The following PPP2R2B variants were observed in gnomAD, a reference collection of about 807,000 sequenced individuals.
The protein encoded by PPP2R2B is protein phosphatase 2 regulatory subunit Bbeta.
In PPP2R2B, 5 loss-of-function variants were observed where a neutral mutation model predicts 46.0. That is an observed-to-expected ratio of 0.11 (90% CI 0.06 to 0.23). The LOEUF (loss-of-function observed/expected upper bound fraction) is 0.23. PPP2R2B is among the 10% of genes least tolerant of loss of function. The pLI, the probability that PPP2R2B is intolerant of heterozygous loss-of-function variation, is 1.00. For missense variants in PPP2R2B, 367 were observed against 575.0 expected (o/e 0.64, Z 3.70); for synonymous variants, 215 against 206.7 (o/e 1.04, Z -0.34).
intron 1 of PPP2R2B, among the ~76,000 whole-genome samples, chr5:146,885,245 A>G (rs1404941894): frequency 1.3e-5 from 2 of 152,204 alleles, no homozygotes; most frequent in African/African-American, 2.4e-5. Context: ...AAATAATATA[A>G]CCAAAGTCAG....
chr5:146,866,142 A>G (rs1413395876), intron 2 of PPP2R2B, among the ~76,000 whole-genome samples: 2 of 152,188 alleles, frequency 1.3e-5, no homozygotes, highest in African/African-American at 4.8e-5. Flanking sequence ...TAAAATACTT[A>G]TCATCTGACC....
chr5:146,764,398 G>T (rs933893458), intron 2 of PPP2R2B, among the ~76,000 whole-genome samples: 27 of 152,252 alleles, frequency 1.8e-4, no homozygotes, highest in Admixed American at 1.8e-3. Flanking sequence ...AGTATTTAGG[G>T]CGCTATTTCT....
intron 7 of PPP2R2B, among the ~76,000 whole-genome samples, chr5:146,608,138 A>T (rs1006986504): frequency 3.3e-5 from 5 of 152,178 alleles, no homozygotes; most frequent in Non-Finnish European, 7.4e-5. Context: ...TTTGAGGGGT[A>T]GGAGGGGGCA....
intron 2 of PPP2R2B, among the ~76,000 whole-genome samples, chr5:146,728,747 G>T (rs1401085301): frequency 6.6e-6 from 1 of 152,096 alleles, no homozygotes; most frequent in African/African-American, 2.4e-5. Context: ...GGTTTATCAG[G>T]GGTTTCCACT....
intron 5 of PPP2R2B, among the ~76,000 whole-genome samples, chr5:146,678,630 A>T (rs1439517376): frequency 6.9e-6 from 1 of 145,448 alleles, no homozygotes; most frequent in Non-Finnish European, 1.5e-5. Flanking sequence ...ACATGATTGT[A>T]TATCTAGAAA....
At chr5:146,603,269 T>C (rs762546602) in intron 7 of PPP2R2B, among the ~76,000 whole-genome samples, 2 of 152,222 alleles carry the variant, frequency 1.3e-5, no homozygotes, top group Non-Finnish European at 2.9e-5. Flanking sequence ...GTACAGAACC[T>C]GCGGACTATT....
chr5:146,820,510 C>T (rs1454818159), intron 2 of PPP2R2B, among the ~76,000 whole-genome samples: 3 of 152,110 alleles, frequency 2.0e-5, no homozygotes, highest in Non-Finnish European at 4.4e-5. Flanking sequence ...CTCCTGTGTT[C>T]AGTGGAATTT....
At chr5:146,649,629 T>C (rs928994493) in intron 6 of PPP2R2B, among the ~76,000 whole-genome samples, 2 of 152,024 alleles carry the variant, frequency 1.3e-5, no homozygotes, top group Non-Finnish European at 2.9e-5. Flanking sequence ...TTTGTATTTT[T>C]AGTAAAGTTG....
chr5:146,968,230 T>A (rs1046863660), intron 1 of PPP2R2B, among the ~76,000 whole-genome samples: 1 of 152,180 alleles, frequency 6.6e-6, no homozygotes, highest in African/African-American at 2.4e-5. Context: ...TTTTTGAACC[T>A]TTCCTCCAAA....
intron 1 of PPP2R2B, among the ~76,000 whole-genome samples, chr5:146,990,360 A>G (rs905869558): frequency 2.6e-5 from 4 of 152,098 alleles, no homozygotes; most frequent in African/African-American, 7.2e-5. Flanking sequence ...CCAAAACAGC[A>G]TGGTACTTAT....
intron 1 of PPP2R2B, among the ~76,000 whole-genome samples, chr5:147,008,005 T>C (rs1355570742): frequency 6.6e-6 from 1 of 152,220 alleles, no homozygotes; most frequent in East Asian, 1.9e-4. Context: ...AATCTTAAAC[T>C]AAACTCTTTA....
chr5:146,706,609 G>T, intron 2 of PPP2R2B: 2 of 815,294 alleles, frequency 2.5e-6, no homozygotes, highest in Non-Finnish European at 4.2e-6. Flanking sequence ...TCCCTGCGCT[G>T]CTCCGCATCT....
intron 1 of PPP2R2B, among the ~76,000 whole-genome samples, chr5:147,004,819 G>T (rs1171013091): frequency 6.6e-6 from 1 of 152,046 alleles, no homozygotes; most frequent in Non-Finnish European, 1.5e-5. Flanking sequence ...TAGCTCTTGT[G>T]GTCCTTACTC....
Position 146,609,265 on chromosome 5 carries a change from T to G in PPP2R2B, c.791-8805A>C, listed in dbSNP as rs139857852. Among the ~76,000 whole-genome samples the G allele has an allele frequency of 2.6e-5, 4 of 152,294 alleles. No homozygotes were observed. The East Asian group carries it at 5.8e-4, about 22-fold the overall frequency. On this transcript the variant is annotated intron_variant, in intron 7 of 9. Transcript: ENST00000394411. The stretch of plus-strand genomic sequence containing the variant: ...GTATCACGCTGAATGGGGAAAAAAC[T>G]GAAAGCCTTTCCTTTAAGATTTGGA...
intron 6 of PPP2R2B, among the ~76,000 whole-genome samples, chr5:146,639,244 G>A (rs1775035451): frequency 6.6e-6 from 1 of 152,170 alleles, no homozygotes; most frequent in Non-Finnish European, 1.5e-5. Flanking sequence ...CAGCTTGTGA[G>A]GGAGTTTTTA....
At chr5:146,618,563 A>G (rs382817) in intron 7 of PPP2R2B, among the ~76,000 whole-genome samples, 32,621 of 152,164 alleles carry the variant, frequency 0.21, 5,098 homozygotes, top group African/African-American at 0.44. Context: ...AAGTTCATGA[A>G]TTCCCCCTTC....
chr5:147,011,303 C>A (rs1177670249), intron 1 of PPP2R2B, among the ~76,000 whole-genome samples: 2 of 151,996 alleles, frequency 1.3e-5, no homozygotes, highest in East Asian at 1.9e-4. Context: ...ATAAATGCCC[C>A]CCCCATCCCT....
At chr5:147,005,073 G>T (rs142867299) in intron 1 of PPP2R2B, among the ~76,000 whole-genome samples, 1 of 152,112 alleles carries the variant, frequency 6.6e-6, no homozygotes, top group Admixed American at 6.5e-5. Context: ...CTCCTTGAGG[G>T]ACCAGTGCTT....
At chr5:146,834,207 T>C (rs866358125) in intron 2 of PPP2R2B, among the ~76,000 whole-genome samples, 1 of 152,204 alleles carries the variant, frequency 6.6e-6, no homozygotes, top group South Asian at 2.1e-4. Context: ...TCCTAGGTGC[T>C]TTATATACAT....
Sources: gnomAD v4.1 joint callset for allele counts (sites outside exome capture counted in the v4.1 genomes callset) on GRCh38, gnomAD v4.1.1 for gene constraint, MANE v1.5 for transcripts, NCBI Gene and HGNC (gene_info 2026-07-23, HGNC 2026-07-21) for gene names.